SOX13: variants seen among roughly 807,000 people sequenced by gnomAD.
SOX13 encodes the protein SRY-box transcription factor 13, also known as transcription factor SOX-13.
A neutral mutation model predicts 71.8 loss-of-function variants in SOX13; 28 were observed. The observed-to-expected ratio is 0.39, with a 90% CI of 0.29 to 0.53. The LOEUF (loss-of-function observed/expected upper bound fraction) is 0.53. Among genes scored for constraint, SOX13 ranks in the 20% least tolerant of loss-of-function variants. The pLI is 0.70. For missense variants in SOX13, 627 were observed against 810.3 expected (o/e 0.77, Z 2.75); for synonymous variants, 309 against 317.8 (o/e 0.97, Z 0.29).
chr1:204,124,874 G>T lies in SOX13; in HGVS notation c.1592+17G>T. ...CGTGATCCCGTGAGCAGGCCCCCCC[G>T]CAGGCAGCCAGGAGACTGTGTGTAC... On this transcript the variant is annotated intron_variant, in intron 13 of 13. Transcript: ENST00000367204. 6.5e-7 allele frequency: 1 copy of T among 1,536,138 alleles called. No homozygotes were observed.
At chr1:204,104,256 T>C (rs1389393094) in intron 1 of SOX13, among the ~76,000 whole-genome samples, 2 of 152,188 alleles carry the variant, frequency 1.3e-5, no homozygotes, top group Admixed American at 6.5e-5. Context: ...GAGTGTTGGC[T>C]GTGGCCCCCC....
rs2102270310 is a variant in SOX13, at chr1:204,126,249, AG to A, written c.*116del. ...GTACTTGGACTTGTTCGTGCCCCAG[AG>A]ATGGGCAAAGCTGTGCACTTGCAGA... On this transcript the variant is annotated 3_prime_UTR_variant, in exon 14 of 14. Coordinates refer to ENST00000367204, the MANE Select transcript of SOX13 (RefSeq NM_005686.3). 3.6e-6 allele frequency: 4 copies of A among 1,123,790 alleles called. No individual in the cohort carries two copies. The highest frequency in any genetic ancestry group is 3.0e-5 in the South Asian group (2 of 65,956). 69.6% of individuals were successfully genotyped at this position (1,123,790 alleles called of 1,614,324 possible). A position where few individuals can be genotyped will look rare whatever the true frequency, so the allele number is the denominator to read the frequency against.
intron 7 of SOX13, chr1:204,119,472 C>T (rs1385921323): frequency 2.0e-5 from 3 of 152,032 alleles, no homozygotes; most frequent in African/African-American, 7.3e-5. Flanking sequence ...TTCCTGAGGG[C>T]TCCACCCTCA....
Position 204,120,745 on chromosome 1 carries a change from G to A in SOX13, c.776-1155G>A, listed in dbSNP as rs551518881. On this transcript the variant is annotated intron_variant, in intron 7 of 13. Transcript: ENST00000367204. ...CAGAGTTTGCTGGTGCTCTGTCTGT[G>A]TGGCCCTCATCACCACCTGCCATGC... 8.5e-5 allele frequency among the ~76,000 whole-genome samples: 13 copies of A among 152,178 alleles called. No homozygotes were observed. The South Asian group carries it at 1.2e-3, about 15-fold the overall frequency.
chr1:204,116,725 T>C (rs748000991), intron 5 of SOX13, 46 bp downstream of exon 5: 1 of 1,604,692 alleles, frequency 6.2e-7, no homozygotes, highest in South Asian at 1.1e-5. Flanking sequence ...GGAAAAGGAG[T>C]GTGTCAGGAC....
Position 204,123,820 on chromosome 1 carries a change from T to C in SOX13, c.1375+16T>C. The C allele has an allele frequency of 6.2e-7, 1 of 1,613,844 alleles. No individual in the cohort carries two copies. The highest frequency in any genetic ancestry group is 8.5e-7 in the Non-Finnish European group (1 of 1,179,834). ...AAGATCCTTGGTAAGGGCCAGTGGC[T>C]GGGGCCATGGTTCAGTGTGACCTGG... On this transcript the variant is annotated intron_variant, in intron 12 of 13. Transcript: ENST00000367204. The surrounding 1 kb of genome is among the most constrained non-coding windows in gnomAD (Gnocchi z 5.0).
intron 1 of SOX13, among the ~76,000 whole-genome samples, chr1:204,106,175 C>T (rs4951304): frequency 0.64 from 96,741 of 152,090 alleles, 31,427 homozygotes; most frequent in African/African-American, 0.73. Context: ...GTTTCTTATC[C>T]GACCCAAGGT....
chr1:204,084,969 G>A (rs931557675), intron 1 of SOX13, among the ~76,000 whole-genome samples: 1 of 152,222 alleles, frequency 6.6e-6, no homozygotes, highest in Non-Finnish European at 1.5e-5. Flanking sequence ...AACATGAAAT[G>A]GATGGGAGAT....
intron 1 of SOX13, among the ~76,000 whole-genome samples, chr1:204,091,973 GCCTTTCTGT>G (rs1230433277): frequency 6.6e-6 from 1 of 152,038 alleles, no homozygotes; most frequent in African/African-American, 2.4e-5. Flanking sequence ...TTCTCTGTCT[GCCTTTCTGT>G]CCTTTCTGTC....
At chr1:204,104,398 T>C (rs924835217) in intron 1 of SOX13, among the ~76,000 whole-genome samples, 3 of 152,216 alleles carry the variant, frequency 2.0e-5, no homozygotes, top group Non-Finnish European at 4.4e-5. Context: ...CTCCCAGCTC[T>C]GAGTAAACAT....
chr1:204,115,869 T>C (rs1243992952), intron 4 of SOX13, among the ~76,000 whole-genome samples: 1 of 151,916 alleles, frequency 6.6e-6, no homozygotes, highest in Admixed American at 6.6e-5. Context: ...TTTTACCATG[T>C]TGTTCAGGCT....
chr1:204,114,661 TCTGGCCACGCAGC>T, intron 4 of SOX13, 56 bp downstream of exon 4: 1 of 1,358,572 alleles, frequency 7.4e-7, no homozygotes, highest in Non-Finnish European at 1.1e-6. Flanking sequence ...CTTCTCCTGG[TCTGGCCACGCAGC>T]CTGGCTCTGT....
chr1:204,112,582 C>T (rs1253065516), intron 1 of SOX13, among the ~76,000 whole-genome samples: 1 of 152,032 alleles, frequency 6.6e-6, no homozygotes, highest in Non-Finnish European at 1.5e-5. Flanking sequence ...AACAGCCAGT[C>T]AGTATCTGGC....
chr1:204,119,024 TG>T (rs1481355282), intron 7 of SOX13: 3 of 151,582 alleles, frequency 2.0e-5, no homozygotes, highest in Non-Finnish European at 4.4e-5. Flanking sequence ...ACCCCAGGAG[TG>T]TGGACAGCTT....
chr1:204,117,524 C>A, intron 6 of SOX13, 69 bp from the exon 7 acceptor site: 1 of 982,066 alleles, frequency 1.0e-6, no homozygotes, highest in Non-Finnish European at 1.6e-6. Flanking sequence ...TTCTCTGTGC[C>A]ATGGGCTGAC....
At chr1:204,121,141 G>A (rs1208281883) in intron 7 of SOX13, among the ~76,000 whole-genome samples, 2 of 151,946 alleles carry the variant, frequency 1.3e-5, no homozygotes, top group African/African-American at 2.4e-5. Flanking sequence ...CACCGCACCC[G>A]GCTAATTTTT....
At chr1:204,085,033 A>T (rs1655988039) in intron 1 of SOX13, among the ~76,000 whole-genome samples, 1 of 152,178 alleles carries the variant, frequency 6.6e-6, no homozygotes, top group Non-Finnish European at 1.5e-5. Context: ...GTCAGGAGTG[A>T]TGGAAGCTAA....
intron 4 of SOX13, 142 bp downstream of exon 4, chr1:204,114,747 T>A: frequency 6.0e-6 from 4 of 667,038 alleles, no homozygotes; most frequent in Non-Finnish European, 1.1e-5. Flanking sequence ...TTAGGGGTCA[T>A]CACCATCCCT....
intron 1 of SOX13, among the ~76,000 whole-genome samples, chr1:204,097,627 G>T (rs1477048751): frequency 6.7e-6 from 1 of 148,976 alleles, no homozygotes; most frequent in Admixed American, 6.8e-5. Flanking sequence ...GGAGGTAGAG[G>T]TTGCAGTGAG....
Sources: allele counts gnomAD v4.1 joint callset (sites outside exome capture counted in the v4.1 genomes callset), GRCh38; gene constraint gnomAD v4.1.1; non-coding constraint Gnocchi (gnomAD v3.1); transcripts MANE v1.5; gene names NCBI Gene and HGNC (gene_info 2026-07-23, HGNC 2026-07-21).